Variants in PARPBP observed in about 807,000 individuals in gnomAD.
PARPBP encodes PARP1 binding protein.
Under a neutral mutation model 50.0 loss-of-function variants are expected in PARPBP, and 52 were observed. The ratio of observed to expected loss-of-function variants is 1.04; its 90% CI spans 0.83 to 1.31. The LOEUF is 1.31. PARPBP is among the 50% of genes most tolerant of loss of function. PARPBP has a pLI of 0.00. For synonymous variants in PARPBP, 244 were observed against 232.1 expected (o/e 1.05, Z -0.47); for missense variants, 697 against 672.0 (o/e 1.04, Z -0.41).
In PARPBP at chr12:102,150,048, A is replaced by G. The variant is rs80001350; in HGVS notation, c.387+1585A>G. 3.1e-3 allele frequency among the ~76,000 whole-genome samples: 470 copies of G among 152,266 alleles called. 2 individuals carry two copies. The highest frequency in any genetic ancestry group is 5.1e-3 in the Non-Finnish European group (347 of 68,004). ...TTCCTCGCCCTTGTCTAAGTCCTCT[A>G]ATAAGTTTCCTCATTTGAGTGGGTT... On this transcript the variant is annotated intron_variant, in intron 3 of 10. Coordinates refer to ENST00000327680, the MANE Select transcript of PARPBP (RefSeq NM_017915.5).
At chr12:102,132,686 T>A (rs978726619) in intron 2 of PARPBP, among the ~76,000 whole-genome samples, 1 of 152,198 alleles carries the variant, frequency 6.6e-6, no homozygotes, top group East Asian at 1.9e-4. Context: ...TCTATTTCTG[T>A]CAAAAATGGC....
chr12:102,162,825 GAAAA>G (rs1039197518), intron 4 of PARPBP, among the ~76,000 whole-genome samples: 1 of 131,112 alleles, frequency 7.6e-6, no homozygotes, highest in African/African-American at 2.8e-5. Flanking sequence ...CTCAAAAAAA[GAAAA>G]AAAAAAAAGG....
intron 4 of PARPBP, among the ~76,000 whole-genome samples, chr12:102,156,744 C>T (rs985453955): frequency 4.6e-5 from 7 of 152,016 alleles, no homozygotes; most frequent in East Asian, 3.9e-4. Flanking sequence ...CAGGTTCAAG[C>T]GATCCTCCCA....
intron 2 of PARPBP, among the ~76,000 whole-genome samples, chr12:102,126,803 A>G (rs1369547195): frequency 2.0e-5 from 3 of 152,280 alleles, no homozygotes; most frequent in African/African-American, 7.2e-5. Context: ...ATAAAATTAT[A>G]ACAGTATCAG....
At chr12:102,194,549 T>C (rs1891086443) in intron 9 of PARPBP, among the ~76,000 whole-genome samples, 1 of 151,938 alleles carries the variant, frequency 6.6e-6, no homozygotes, top group African/African-American at 2.4e-5. Context: ...TTTCCAAAAC[T>C]ACTTTTTTTG....
chr12:102,164,625 T>C lies in PARPBP; in HGVS notation c.666+17T>C. On this transcript the variant is annotated intron_variant, in intron 5 of 10. Coordinates refer to ENST00000327680, the MANE Select transcript of PARPBP (RefSeq NM_017915.5). ...ATCTTTTTGGTATGGTTGTGTGACATGTTCAAAATTAAGACTCCTTGCACA... is the reference window on the plus strand; with the variant it reads ...ATCTTTTTGGTATGGTTGTGTGACACGTTCAAAATTAAGACTCCTTGCACA... 2 of 1,609,964 alleles carry C rather than the reference T, an allele frequency of 1.2e-6. No homozygotes were observed. The highest frequency in any genetic ancestry group is 1.7e-6 in the Non-Finnish European group (2 of 1,176,604).
At chr12:102,164,969 G>C (rs1887989102) in intron 5 of PARPBP, among the ~76,000 whole-genome samples, 1 of 152,156 alleles carries the variant, frequency 6.6e-6, no homozygotes, top group African/African-American at 2.4e-5. Context: ...ATCCATGATT[G>C]TATATAAGAG....
chr12:102,127,959 T>C (rs1477770751), intron 2 of PARPBP, among the ~76,000 whole-genome samples: 1 of 152,222 alleles, frequency 6.6e-6, no homozygotes, highest in Non-Finnish European at 1.5e-5. Context: ...GAAATATGTA[T>C]ACATTGTGAA....
intron 2 of PARPBP, among the ~76,000 whole-genome samples, chr12:102,135,694 A>G (rs1328579895): frequency 1.3e-5 from 2 of 152,180 alleles, no homozygotes; most frequent in African/African-American, 4.8e-5. Context: ...CGTTACTTGT[A>G]TAAAGAGGGT....
At chr12:102,131,120 T>A (rs1397589714) in intron 2 of PARPBP, among the ~76,000 whole-genome samples, 1 of 152,080 alleles carries the variant, frequency 6.6e-6, no homozygotes, top group Non-Finnish European at 1.5e-5. Context: ...AGGTCAGGAT[T>A]TTGAGACCAA....
intron 4 of PARPBP, among the ~76,000 whole-genome samples, chr12:102,160,969 T>TAA (rs575531412): frequency 3.4e-3 from 512 of 151,744 alleles, no homozygotes; most frequent in African/African-American, 0.012. Flanking sequence ...AATATATATA[T>TAA]AATCAGAAAA....
chr12:102,138,097 A>T (rs902910651), intron 2 of PARPBP, among the ~76,000 whole-genome samples: 3 of 152,156 alleles, frequency 2.0e-5, no homozygotes, highest in Non-Finnish European at 4.4e-5. Context: ...TCCACAATGA[A>T]TGAACTAGTT....
At chr12:102,134,167 A>G (rs1210444570) in intron 2 of PARPBP, among the ~76,000 whole-genome samples, 2 of 151,530 alleles carry the variant, frequency 1.3e-5, no homozygotes. Context: ...AATGAAGCTA[A>G]GAGTTGGCTT....
chr12:102,163,505 G>T (rs1057514718), intron 4 of PARPBP, among the ~76,000 whole-genome samples: 1 of 152,146 alleles, frequency 6.6e-6, no homozygotes, highest in African/African-American at 2.4e-5. Flanking sequence ...GATGCTTTGG[G>T]ACAAAATGTA....
chr12:102,127,769 T>TA (rs1565849092), intron 2 of PARPBP, among the ~76,000 whole-genome samples: 2 of 152,194 alleles, frequency 1.3e-5, no homozygotes, highest in Non-Finnish European at 2.9e-5. Flanking sequence ...ATATTGTTAA[T>TA]AAAACAGAGC....
At chr12:102,191,255 G>A (rs1182619326) in intron 9 of PARPBP, among the ~76,000 whole-genome samples, 1 of 152,148 alleles carries the variant, frequency 6.6e-6, no homozygotes, top group Non-Finnish European at 1.5e-5. Flanking sequence ...TGACAATTAT[G>A]ATGTAGGATC....
At chr12:102,195,914 C>A in intron 10 of PARPBP, 37 bp from the exon 11 acceptor site, 1 of 1,300,350 alleles carries the variant, frequency 7.7e-7, no homozygotes, top group Non-Finnish European at 1.1e-6. Flanking sequence ...TACTCAATAT[C>A]ATGTAATTCC....
intron 2 of PARPBP, among the ~76,000 whole-genome samples, chr12:102,141,809 T>C (rs1339168706): frequency 2.6e-5 from 4 of 152,214 alleles, no homozygotes; most frequent in Non-Finnish European, 5.9e-5. Context: ...TGTTGAATAT[T>C]GGCCCCCACT....
At chr12:102,125,318 A>G (rs1427290350) in intron 2 of PARPBP, among the ~76,000 whole-genome samples, 2 of 152,234 alleles carry the variant, frequency 1.3e-5, no homozygotes, top group Non-Finnish European at 2.9e-5. Flanking sequence ...ATTAATATGT[A>G]CATAATAAAC....
Sources: gnomAD v4.1 joint callset for allele counts (sites outside exome capture counted in the v4.1 genomes callset) on GRCh38, gnomAD v4.1.1 for gene constraint, MANE v1.5 for transcripts, NCBI Gene and HGNC (gene_info 2026-07-23, HGNC 2026-07-21) for gene names.